The following PLA2G6 variants were observed in gnomAD, a reference collection of about 807,000 sequenced individuals.
The protein encoded by PLA2G6 is phospholipase A2 group VI.
A neutral mutation model predicts 83.8 loss-of-function variants in PLA2G6; 62 were observed. The ratio of observed to expected loss-of-function variants is 0.74; its 90% CI spans 0.60 to 0.91. The LOEUF (loss-of-function observed/expected upper bound fraction) is 0.91. PLA2G6 is among the 40% of genes least tolerant of loss of function. The pLI is 0.00. For missense variants in PLA2G6, 944 were observed against 1,102.0 expected, an observed-to-expected ratio of 0.86 and a Z score of 2.03; for synonymous variants, 417 against 449.8, an observed-to-expected ratio of 0.93 and a Z score of 0.92.
chr22:38,115,413 G>A (rs1418442346), intron 14 of PLA2G6, 114 bp downstream of exon 14: 1 of 872,442 alleles, frequency 1.1e-6, no homozygotes, highest in Non-Finnish European at 1.9e-6. Context: ...ATATGAATGA[G>A]TGCGTGTGTA....
intron 2 of PLA2G6, chr22:38,147,982 A>G (rs1402099971): frequency 6.2e-6 from 1 of 161,242 alleles, no homozygotes; most frequent in African/African-American, 2.4e-5. Context: ...AAGATAGGGA[A>G]GGAGGAGGCG....
At chr22:38,116,021 C>T in intron 13 of PLA2G6, 54 bp downstream of exon 13, 1 of 1,604,270 alleles carries the variant, frequency 6.2e-7, no homozygotes. Context: ...ACCCACCACC[C>T]CACAGCCTCT....
intron 1 of PLA2G6, among the ~76,000 whole-genome samples, chr22:38,176,763 C>T (rs760732947): frequency 2.6e-5 from 4 of 152,138 alleles, no homozygotes; most frequent in African/African-American, 9.7e-5. Flanking sequence ...CGCAGCCGGG[C>T]GCGGTGGCTC....
chr22:38,181,111 C>T (rs1235258251), intron 1 of PLA2G6, among the ~76,000 whole-genome samples: 1 of 152,108 alleles, frequency 6.6e-6, no homozygotes, highest in Non-Finnish European at 1.5e-5. Context: ...CATGATCACC[C>T]TGGTCACATG....
intron 9 of PLA2G6, chr22:38,126,944 T>A: frequency 1.0e-6 from 1 of 989,604 alleles, no homozygotes. Context: ...TTTAAGTCCA[T>A]GGATGAAAGG....
chr22:38,179,678 G>A (rs2090770602), intron 1 of PLA2G6, among the ~76,000 whole-genome samples: 1 of 152,168 alleles, frequency 6.6e-6, no homozygotes, highest in Non-Finnish European at 1.5e-5. Context: ...AGCTACTTGG[G>A]AGGCTGAGGC....
At chr22:38,162,202 C>G (rs758730152) in intron 2 of PLA2G6, among the ~76,000 whole-genome samples, 4 of 116,458 alleles carry the variant, frequency 3.4e-5, no homozygotes, top group Non-Finnish European at 6.8e-5. Flanking sequence ...GAGCGAGACT[C>G]TGTGTCAAAA....
chr22:38,114,464 C>T (rs879797633), intron 14 of PLA2G6, among the ~76,000 whole-genome samples: 3 of 152,190 alleles, frequency 2.0e-5, no homozygotes, highest in Admixed American at 6.5e-5. Context: ...GGATTACAGG[C>T]GTGAGCCGCT....
Position 38,128,024 on chromosome 22 carries a change from C to A in PLA2G6, c.1348+245G>T, listed in dbSNP as rs1176031287. On this transcript the variant is annotated intron_variant, in intron 9 of 16. Transcript: ENST00000332509. This position sits in a 1 kb window ranked among gnomAD's most constrained non-coding sequence, Gnocchi z 4.4. ...ATGGGTGCCACTGGAAATGCCCAGG[C>A]CTGAGACTGTGTGCAGGACACATCC... 2 of 554,894 alleles carry A rather than the reference C, an allele frequency of 3.6e-6. No individual in the cohort carries two copies. Among genetic ancestry groups the A allele is most frequent in the Non-Finnish European group, 3.2e-6 (1 of 309,056 alleles). 34.4% of individuals were successfully genotyped at this position (554,894 alleles called of 1,614,324 possible).
At chr22:38,150,363 C>T (rs2145853062) in intron 2 of PLA2G6, 1 of 152,322 alleles carries the variant, frequency 6.6e-6, no homozygotes, top group South Asian at 2.1e-4. Context: ...ATGGTGACGA[C>T]TCTTGGTCCT....
At chr22:38,177,196 G>C (rs1249354455) in intron 1 of PLA2G6, among the ~76,000 whole-genome samples, 1 of 152,074 alleles carries the variant, frequency 6.6e-6, no homozygotes, top group Non-Finnish European at 1.5e-5. Flanking sequence ...TAGGCAAAGG[G>C]CTGGCCACAC....
intron 2 of PLA2G6, among the ~76,000 whole-genome samples, chr22:38,164,076 C>G (rs2090123725): frequency 6.6e-6 from 1 of 152,142 alleles, no homozygotes; most frequent in Non-Finnish European, 1.5e-5. Context: ...CAAATGTCAT[C>G]TGTTACAAGT....
intron 12 of PLA2G6, 197 bp from the exon 13 acceptor site, chr22:38,116,408 A>G: frequency 2.7e-6 from 2 of 732,136 alleles, no homozygotes; most frequent in Middle Eastern, 2.3e-4. Context: ...AGATTGGTCC[A>G]ACCTTGGGGG....
At chr22:38,154,749 T>C (rs2089708156) in intron 2 of PLA2G6, among the ~76,000 whole-genome samples, 1 of 152,142 alleles carries the variant, frequency 6.6e-6, no homozygotes, top group South Asian at 2.1e-4. Flanking sequence ...CAGGAAAACA[T>C]GACCTCACCA....
At chr22:38,115,020 G>A (rs1259979919) in intron 14 of PLA2G6, among the ~76,000 whole-genome samples, 1 of 152,206 alleles carries the variant, frequency 6.6e-6, no homozygotes, top group Non-Finnish European at 1.5e-5. Flanking sequence ...CCTCTGCAGA[G>A]AGAGGGCTGC....
rs761607379 is a variant in PLA2G6 at position 38,128,654 on chromosome 22, G to A, written c.1187-224C>T. 5.9e-5 allele frequency among the ~76,000 whole-genome samples: 9 copies of A among 152,194 alleles called. No individual in the cohort carries two copies. Among genetic ancestry groups the A allele is most frequent in the Non-Finnish European group, 8.8e-5 (6 of 68,030 alleles). ...GCCAGGGAAGGAGGATATGGGAGGA[G>A]GAGGTCAGTGTCACCCTGCCCGATG... is the stretch of plus-strand genomic sequence containing the variant. On this transcript the variant is annotated intron_variant, in intron 8 of 16. Transcript: ENST00000332509. This position sits in a 1 kb window ranked among gnomAD's most constrained non-coding sequence, Gnocchi z 4.4.
At position 38,145,032 on chromosome 22, in the gene PLA2G6, CTTTTTTTTT is replaced by C. The variant is rs968832533; in HGVS notation, c.425+397_425+405del. The C allele has an allele frequency of 7.8e-5, 15 of 192,670 alleles. No homozygotes were observed. The East Asian group carries it at 1.2e-3, about 16-fold the overall frequency. 11.9% of individuals were successfully genotyped at this position (192,670 alleles called of 1,614,324 possible). A position where few individuals can be genotyped will look rare whatever the true frequency, so the allele number is the denominator to read the frequency against. ...TTTTAATCTGGTAGCAACGCAGCACCTTTTTTTTTTTTTTTTTTTTTTTCCTAGAGACAA... is the reference window on the plus strand; with the variant it reads ...TTTTAATCTGGTAGCAACGCAGCACCTTTTTTTTTTTTTTCCTAGAGACAA... On this transcript the variant is annotated intron_variant, in intron 3 of 16. Coordinates refer to ENST00000332509, the MANE Select transcript of PLA2G6 (RefSeq NM_003560.4).
At chr22:38,152,800 C>T (rs2089619979) in intron 2 of PLA2G6, among the ~76,000 whole-genome samples, 1 of 152,142 alleles carries the variant, frequency 6.6e-6, no homozygotes, top group Non-Finnish European at 1.5e-5. Flanking sequence ...AAGTGTATAA[C>T]TTCCAAGCTA....
intron 4 of PLA2G6, chr22:38,142,845 CT>C: frequency 1.1e-5 from 6 of 523,750 alleles, no homozygotes; most frequent in Admixed American, 3.1e-5. Flanking sequence ...GGAGCTGGGC[CT>C]TTTTTGGGGT....
Sources: allele counts gnomAD v4.1 joint callset (sites outside exome capture counted in the v4.1 genomes callset), GRCh38; gene constraint gnomAD v4.1.1; non-coding constraint Gnocchi (gnomAD v3.1); transcripts MANE v1.5; gene names NCBI Gene and HGNC (gene_info 2026-07-23, HGNC 2026-07-21).